The following RPAP3 variants were observed in gnomAD, a reference collection of about 807,000 sequenced individuals.
RPAP3 encodes RNA polymerase II-associated protein 3.
A neutral mutation model predicts 88.8 loss-of-function variants in RPAP3; 58 were observed. The ratio of observed to expected loss-of-function variants is 0.65; its 90% CI spans 0.53 to 0.81. The LOEUF is 0.81. RPAP3 is among the 40% of genes least tolerant of loss of function. RPAP3 has a pLI of 0.00. For synonymous variants in RPAP3, 255 were observed against 259.9 expected, an observed-to-expected ratio of 0.98 and a Z score of 0.18; for missense variants, 751 against 764.3, an observed-to-expected ratio of 0.98 and a Z score of 0.20.
At chr12:47,701,440 A>C in intron 3 of RPAP3, 24 bp downstream of exon 3, 1 of 1,520,780 alleles carries the variant, frequency 6.6e-7, no homozygotes, top group Non-Finnish European at 8.8e-7. Context: ...AAATATTAAG[A>C]AGCAAATGAC....
intron 5 of RPAP3, among the ~76,000 whole-genome samples, chr12:47,692,856 T>TA (rs1939453976): frequency 1.3e-5 from 2 of 152,304 alleles, no homozygotes; most frequent in South Asian, 4.1e-4. Context: ...CTTGAATACT[T>TA]ATATGCCACT....
At chr12:47,704,381 T>C (rs1304071920) in intron 1 of RPAP3, among the ~76,000 whole-genome samples, 1 of 152,110 alleles carries the variant, frequency 6.6e-6, no homozygotes, top group Non-Finnish European at 1.5e-5. Flanking sequence ...TTTTGTTTTT[T>C]TTCTTGAGAC....
At position 47,690,570 on chromosome 12, in the gene RPAP3, G is replaced by A; in HGVS notation, c.615C>T (p.Ser205=). 6.2e-7 allele frequency: 1 copy of A among 1,603,646 alleles called. No individual in the cohort carries two copies. The stretch of plus-strand genomic sequence containing the variant: ...AAGCAAATCGAGCAGCACCTCGTCT[G>A]GAATAAGCCTTTGTATAACTTCTAT... ...ALNRSYTKAY[S]RRGAARFALQ... is the part of the protein sequence containing the mutation. Residue 205 remains serine, a synonymous_variant, in exon 6 of 17, where the codon TCC becomes TCT. Transcript: ENST00000005386.
In RPAP3 at chr12:47,696,308, C is replaced by A; in HGVS notation, c.513G>T (p.Thr171=). Residue 171 remains threonine, a synonymous_variant, in exon 5 of 17, where the codon ACG becomes ACT. Coordinates refer to ENST00000005386, the MANE Select transcript of RPAP3 (RefSeq NM_024604.3). ...GTCTAAAATATGCTGACGCTCTGTT[C>A]GTTGGCAACACGGGATTATATGGAT... ...DADPYNPVLP[T]NRASAYFRLK... is the part of the protein sequence containing the mutation. 1 of 1,583,726 alleles carries A rather than the reference C, an allele frequency of 6.3e-7. No individual in the cohort carries two copies. Among genetic ancestry groups the A allele is most frequent in the Admixed American group, 1.8e-5 (1 of 56,276 alleles).
intron 14 of RPAP3, 117 bp from the exon 15 acceptor site, chr12:47,667,968 G>A: frequency 1.7e-6 from 1 of 605,540 alleles, no homozygotes; most frequent in Non-Finnish European, 2.9e-6. Flanking sequence ...GCCAAGGTGG[G>A]AGGATCACCT....
At chr12:47,699,818 T>C (rs1213171779) in intron 3 of RPAP3, 1 of 152,140 alleles carries the variant, frequency 6.6e-6, no homozygotes. Context: ...CTGCTGCTAC[T>C]CACAATATGG....
Position 47,671,942 on chromosome 12 carries a change from T to A in RPAP3, c.1288-1597A>T, listed in dbSNP as rs552981042. ...GGTTCAATTCACTCCTTTTTTAAAA[T>A]CATGACTCGGAAGCGTAACATTTTA... On this transcript the variant is annotated intron_variant, in intron 12 of 16. Transcript: ENST00000005386. Among the ~76,000 whole-genome samples, 329 of 151,804 alleles carry A rather than the reference T, an allele frequency of 2.2e-3. 1 individual carries two copies. Among genetic ancestry groups the A allele is most frequent in the African/African-American group, 7.7e-3 (320 of 41,366 alleles).
At chr12:47,695,481 T>C (rs929148156) in intron 5 of RPAP3, among the ~76,000 whole-genome samples, 23 of 152,242 alleles carry the variant, frequency 1.5e-4, no homozygotes, top group African/African-American at 4.8e-4. Context: ...AGGGACAGGA[T>C]ACAGAAAGGA....
rs751871079 is a variant in RPAP3 at position 47,662,711 on chromosome 12, C to A, written c.*794G>T. 6.6e-6 allele frequency: 1 copy of A among 152,208 alleles called. No homozygotes were observed. Among genetic ancestry groups the A allele is most frequent in the African/African-American group, 2.4e-5 (1 of 41,458 alleles). The allele number at this position is 152,208 out of a possible 1,614,324, so 9.4% of individuals were successfully genotyped here. ...AGTTGAGCACCTAACTATGTGCAAACGTCTGTGCTAGGTACTATGCAGAGT... is the reference window on the plus strand; with the variant it reads ...AGTTGAGCACCTAACTATGTGCAAAAGTCTGTGCTAGGTACTATGCAGAGT... On this transcript the variant is annotated 3_prime_UTR_variant, in exon 17 of 17. Transcript: ENST00000005386.
At chr12:47,696,222 T>C in intron 5 of RPAP3, 54 bp downstream of exon 5, 1 of 1,355,062 alleles carries the variant, frequency 7.4e-7, no homozygotes, top group Non-Finnish European at 9.7e-7. Flanking sequence ...TTTTAATAAG[T>C]CTCCATATAT....
chr12:47,671,739 T>C (rs962922878), intron 12 of RPAP3, among the ~76,000 whole-genome samples: 3 of 152,346 alleles, frequency 2.0e-5, no homozygotes, highest in African/African-American at 7.2e-5. Context: ...ATGTAAATAA[T>C]GATTTGAATT....
Position 47,669,118 on chromosome 12 carries a change from G to A in RPAP3, c.1527-16C>T, listed in dbSNP as rs778450383. The A allele has an allele frequency of 1.9e-6, 3 of 1,575,834 alleles. No individual in the cohort carries two copies. The highest frequency in any genetic ancestry group is 2.3e-5 in the South Asian group (2 of 88,488). On this transcript the variant is annotated splice_polypyrimidine_tract_variant and intron_variant, in intron 13 of 16. Coordinates refer to ENST00000005386, the MANE Select transcript of RPAP3 (RefSeq NM_024604.3). ...GGCTTGAGGTCTGAAATATTTCAGA[G>A]GTATCAAACAGAAAAGAACCATAAA...
intron 5 of RPAP3, 93 bp from the exon 6 acceptor site, chr12:47,690,732 G>A: frequency 2.2e-6 from 2 of 913,514 alleles, no homozygotes; most frequent in Non-Finnish European, 3.1e-6. Context: ...CTTGAAAAGA[G>A]AATTTACTTA....
At position 47,687,998 on chromosome 12, in the gene RPAP3, A is replaced by G. The variant is rs747395602; in HGVS notation, c.742T>C (p.Leu248=). Residue 248 remains leucine (L), a synonymous_variant, in exon 8 of 17, where the codon TTA becomes CTA. Coordinates refer to ENST00000005386, the MANE Select transcript of RPAP3 (RefSeq NM_024604.3). ...TNELRKISQA[L]ASKENSYPKE... Reference sequence around the variant, plus strand: ...GGATATGAGTTTTCTTTGGATGCTAAAGCCTAGGAGACATAGCAGTCAGCT... The same window carrying G: ...GGATATGAGTTTTCTTTGGATGCTAGAGCCTAGGAGACATAGCAGTCAGCT... 6.2e-7 allele frequency: 1 copy of G among 1,611,812 alleles called. No individual in the cohort carries two copies. Among genetic ancestry groups the G allele is most frequent in the South Asian group, 1.1e-5 (1 of 90,904 alleles).
chr12:47,685,859 G>A (rs1008426391), intron 9 of RPAP3, among the ~76,000 whole-genome samples: 7 of 152,080 alleles, frequency 4.6e-5, no homozygotes, highest in African/African-American at 1.2e-4. Flanking sequence ...GAATATTGGT[G>A]AGCATAAAAT....
At chr12:47,675,084 G>A (rs965152765) in intron 12 of RPAP3, among the ~76,000 whole-genome samples, 1 of 152,152 alleles carries the variant, frequency 6.6e-6, no homozygotes, top group Non-Finnish European at 1.5e-5. Flanking sequence ...GACAGTAGGG[G>A]CCAATGTTCA....
chr12:47,689,028 T>C (rs1283096237), intron 7 of RPAP3, 97 bp downstream of exon 7: 7 of 626,922 alleles, frequency 1.1e-5, no homozygotes, highest in Non-Finnish European at 1.9e-5. Context: ...TTAGAAAATC[T>C]CAATATTAAG....
At chr12:47,691,515 T>C (rs890931787) in intron 5 of RPAP3, among the ~76,000 whole-genome samples, 1 of 152,240 alleles carries the variant, frequency 6.6e-6, no homozygotes, top group African/African-American at 2.4e-5. Flanking sequence ...CAGGTTTCAA[T>C]CTACTTTGTC....
intron 12 of RPAP3, 81 bp downstream of exon 12, chr12:47,679,412 T>C: frequency 1.1e-6 from 1 of 887,584 alleles, no homozygotes; most frequent in Non-Finnish European, 1.7e-6. Context: ...AAAAAAAGTT[T>C]ATTAATACAA....
Sources: allele counts gnomAD v4.1 joint callset (sites outside exome capture counted in the v4.1 genomes callset), GRCh38; gene constraint gnomAD v4.1.1; transcripts MANE v1.5; gene names NCBI Gene and HGNC (gene_info 2026-07-23, HGNC 2026-07-21).